Variants in SEPHS1 observed in about 807,000 individuals in gnomAD.
SEPHS1 encodes selenophosphate synthetase 1.
SEPHS1 carries 7 observed loss-of-function variants against 39.2 expected under a neutral mutation model. That is an observed-to-expected ratio of 0.18 (90% confidence interval 0.10 to 0.34). SEPHS1 has a LOEUF of 0.34. Among genes scored for constraint, SEPHS1 ranks in the 10% least tolerant of loss-of-function variants. The pLI is 1.00. For synonymous variants in SEPHS1, 190 were observed against 195.5 expected (o/e 0.97, Z 0.23); for missense variants, 253 against 514.5 (o/e 0.49, Z 4.92).
chr10:13,334,078 G>T, intron 4 of SEPHS1, 107 bp from the exon 5 acceptor site: 1 of 1,018,742 alleles, frequency 9.8e-7, no homozygotes, highest in South Asian at 1.7e-5. Context: ...AATCCTAAAG[G>T]AAGTCCTCAA....
chr10:13,322,587 C>T (rs1332604201), intron 8 of SEPHS1, among the ~76,000 whole-genome samples: 1 of 152,212 alleles, frequency 6.6e-6, no homozygotes, highest in Non-Finnish European at 1.5e-5. Flanking sequence ...CTTATTTCCC[C>T]CATCACCATA....
chr10:13,329,925 A>C, intron 5 of SEPHS1, 137 bp from the exon 6 acceptor site: 2 of 716,046 alleles, frequency 2.8e-6, no homozygotes, highest in South Asian at 3.5e-5. Flanking sequence ...AACTACCAGC[A>C]TGTATGGGAC....
At chr10:13,324,583 C>T (rs1377296616) in intron 7 of SEPHS1, among the ~76,000 whole-genome samples, 1 of 152,198 alleles carries the variant, frequency 6.6e-6, no homozygotes, top group South Asian at 2.1e-4. Context: ...TGTTTCTCTA[C>T]ATCCTTGCCA....
At chr10:13,335,823 T>A (rs190220309) in intron 4 of SEPHS1, among the ~76,000 whole-genome samples, 2 of 150,506 alleles carry the variant, frequency 1.3e-5, no homozygotes, top group African/African-American at 4.9e-5. Context: ...CTAATAAAAA[T>A]ACACAAAATA....
rs1236647339 is a variant in SEPHS1, at chr10:13,318,590, G to C, written c.*552C>G. ...CTGTGTTGAACTGAATGCACTACTGGAGAATGTTCTGGGTCCGAGATGCTC... is the reference window on the plus strand; with the variant it reads ...CTGTGTTGAACTGAATGCACTACTGCAGAATGTTCTGGGTCCGAGATGCTC... On this transcript the variant is annotated 3_prime_UTR_variant, in exon 9 of 9. Transcript: ENST00000327347. 1.3e-5 allele frequency: 2 copies of C among 153,208 alleles called. No individual in the cohort carries two copies. Among genetic ancestry groups the C allele is most frequent in the Non-Finnish European group, 2.9e-5 (2 of 68,652 alleles). The allele number at this position is 153,208 out of a possible 1,614,324, so 9.5% of individuals were successfully genotyped here. A position where few individuals can be genotyped will look rare whatever the true frequency, so the allele number is the denominator to read the frequency against.
intron 5 of SEPHS1, among the ~76,000 whole-genome samples, chr10:13,332,918 A>G (rs890847795): frequency 6.6e-5 from 10 of 152,084 alleles, no homozygotes; most frequent in Non-Finnish European, 1.2e-4. Flanking sequence ...AAAATAGATG[A>G]CCCTTAAAAG....
At chr10:13,332,373 G>A (rs1322779043) in intron 5 of SEPHS1, among the ~76,000 whole-genome samples, 1 of 152,286 alleles carries the variant, frequency 6.6e-6, no homozygotes, top group East Asian at 1.9e-4. Context: ...GGAGCAGGAG[G>A]GAAATGGGAG....
chr10:13,333,751 AT>A, intron 5 of SEPHS1, 65 bp downstream of exon 5: 3 of 1,555,080 alleles, frequency 1.9e-6, no homozygotes, highest in South Asian at 2.3e-5. Context: ...TAATACATCA[AT>A]TTTTAAAAAG....
At chr10:13,321,433 A>T (rs1416978509) in intron 8 of SEPHS1, among the ~76,000 whole-genome samples, 1 of 151,994 alleles carries the variant, frequency 6.6e-6, no homozygotes, top group African/African-American at 2.4e-5. Flanking sequence ...TTTTTAGTAG[A>T]GACAGGGTTT....
intron 5 of SEPHS1, among the ~76,000 whole-genome samples, chr10:13,330,178 C>T (rs192734829): frequency 2.6e-4 from 39 of 152,284 alleles, no homozygotes; most frequent in African/African-American, 8.7e-4. Context: ...GCCCAGATTT[C>T]CCCTCGACCA....
chr10:13,344,994 C>T lies in SEPHS1; in HGVS notation c.-44G>A, dbSNP rs1833884765. The T allele has an allele frequency of 7.2e-7, 1 of 1,393,102 alleles. No individual in the cohort carries two copies. The highest frequency in any genetic ancestry group is 1.5e-5 in the African/African-American group (1 of 68,126). 86.3% of individuals were successfully genotyped at this position (1,393,102 alleles called of 1,614,324 possible). ...TCCTCACAGCTCAGCCCCTCCCCTC[C>T]CTCTGCGGGTTGGCTGGGTTCTTTA... On this transcript the variant is annotated 5_prime_UTR_variant, in exon 2 of 9. Transcript: ENST00000327347.
At position 13,348,216 on chromosome 10, in the gene SEPHS1, C is replaced by T. The variant is rs967777114; in HGVS notation, c.-295G>A. ...GGGAGCCGGGCCGCCGCGCTCCCGC[C>T]GGCTGGGCGCGCGGGGGTCCTTTAA... On this transcript the variant is annotated 5_prime_UTR_variant, in exon 1 of 9. Transcript: ENST00000327347. 1.4e-5 allele frequency: 2 copies of T among 146,170 alleles called. No homozygotes were observed. The highest frequency in any genetic ancestry group is 2.1e-4 in the East Asian group (1 of 4,860). The allele number at this position is 146,170 out of a possible 1,614,324, so 9.1% of individuals were successfully genotyped here. A position where few individuals can be genotyped will look rare whatever the true frequency, so the allele number is the denominator to read the frequency against.
At chr10:13,324,382 A>G (rs1588533854) in intron 7 of SEPHS1, among the ~76,000 whole-genome samples, 1 of 152,364 alleles carries the variant, frequency 6.6e-6, no homozygotes, top group East Asian at 1.9e-4. Context: ...ATTATGAATA[A>G]TGCTGCTATG....
chr10:13,345,698 G>A (rs749070773), intron 1 of SEPHS1, among the ~76,000 whole-genome samples: 1 of 152,038 alleles, frequency 6.6e-6, no homozygotes, highest in Non-Finnish European at 1.5e-5. Flanking sequence ...CCAACATGGC[G>A]AAACCCCGTC....
intron 2 of SEPHS1, among the ~76,000 whole-genome samples, chr10:13,339,400 C>G (rs1833726077): frequency 6.6e-6 from 1 of 152,102 alleles, no homozygotes; most frequent in South Asian, 2.1e-4. Flanking sequence ...TATAAACACT[C>G]TGGCATCTAT....
intron 8 of SEPHS1, among the ~76,000 whole-genome samples, chr10:13,320,293 T>C (rs1029077972): frequency 2.6e-4 from 39 of 151,990 alleles, no homozygotes; most frequent in Middle Eastern, 3.4e-3. Context: ...ACCATTCTCC[T>C]GCCTCAGCCT....
Position 13,325,895 on chromosome 10 carries a change from C to CAAAAAAAAAA in SEPHS1, c.751+2446_751+2455dup, listed in dbSNP as rs562038894. ...CCTGGGCGACAGCGAGACTCCGTCT[C>CAAAAAAAAAA]AAAAAAAAAAAAAAAAAAAAAAAAA... On this transcript the variant is annotated intron_variant, in intron 7 of 8. Coordinates refer to ENST00000327347, the MANE Select transcript of SEPHS1 (RefSeq NM_012247.5). Among the ~76,000 whole-genome samples the CAAAAAAAAAA allele has an allele frequency of 1.9e-4, 5 of 26,446 alleles. 1 individual carries two copies. The highest frequency in any genetic ancestry group is 2.3e-4 in the Non-Finnish European group (4 of 17,158). The allele number at this position is 26,446 out of a possible 152,430, so 17.3% of individuals were successfully genotyped here.
At chr10:13,342,878 G>C (rs548969015) in intron 2 of SEPHS1, among the ~76,000 whole-genome samples, 1 of 152,014 alleles carries the variant, frequency 6.6e-6, no homozygotes. Flanking sequence ...TGAAACTACA[G>C]GTGTACACCA....
chr10:13,335,253 G>A (rs568433839), intron 4 of SEPHS1, among the ~76,000 whole-genome samples: 6 of 152,202 alleles, frequency 3.9e-5, no homozygotes, highest in African/African-American at 9.6e-5. Context: ...CACCATCTAC[G>A]TCCACGACAT....
Sources: allele counts gnomAD v4.1 joint callset (sites outside exome capture counted in the v4.1 genomes callset), GRCh38; gene constraint gnomAD v4.1.1; transcripts MANE v1.5; gene names NCBI Gene and HGNC (gene_info 2026-07-23, HGNC 2026-07-21).